Variants in HPSE2 observed in about 807,000 individuals in gnomAD.
HPSE2 encodes heparanase 2 (inactive), also known as inactive heparanase-2.
Under a neutral mutation model 60.5 loss-of-function variants are expected in HPSE2, and 38 were observed. That is an observed-to-expected ratio of 0.63 (90% CI 0.48 to 0.82). The LOEUF (loss-of-function observed/expected upper bound fraction) is 0.82. HPSE2 is among the 40% of genes least tolerant of loss of function. HPSE2 has a pLI of 0.00. For missense variants in HPSE2, 713 were observed against 740.4 expected, an observed-to-expected ratio of 0.96 and a Z score of 0.43; for synonymous variants, 295 against 293.2, an observed-to-expected ratio of 1.01 and a Z score of -0.06.
At chr10:98,653,051 A>G (rs541222463) in intron 6 of HPSE2, among the ~76,000 whole-genome samples, 15 of 152,188 alleles carry the variant, frequency 9.9e-5, no homozygotes, top group Non-Finnish European at 1.8e-4. Context: ...CTCTGTTGTT[A>G]GATGCATACA....
chr10:99,305,977 G>GCACACACACACACACA, the HPSE2 span, among the ~76,000 whole-genome samples: 181 of 53,686 alleles, frequency 3.4e-3, 1 homozygote, highest in South Asian at 9.4e-3. Context: ...GCGCGCGCGC[G>GCACACACACACACACA]CGCACACACA....
At chr10:98,498,166 TTAG>T (rs1941914290) in intron 9 of HPSE2, among the ~76,000 whole-genome samples, 1 of 152,188 alleles carries the variant, frequency 6.6e-6, no homozygotes, top group Non-Finnish European at 1.5e-5. Flanking sequence ...ATCGTGAATT[TTAG>T]CTCCAGATCA....
intron 6 of HPSE2, among the ~76,000 whole-genome samples, chr10:98,680,633 A>C (rs1947759368): frequency 6.6e-6 from 1 of 152,234 alleles, no homozygotes; most frequent in Admixed American, 6.5e-5. Flanking sequence ...TATTGAGTAC[A>C]CATATAAAAA....
intron 9 of HPSE2, among the ~76,000 whole-genome samples, chr10:98,611,582 C>A (rs916549102): frequency 6.6e-6 from 1 of 152,182 alleles, no homozygotes; most frequent in African/African-American, 2.4e-5. Context: ...AATTGCACAA[C>A]TCTCTGAAGT....
At chr10:98,800,058 A>AT (rs1950870249) in intron 3 of HPSE2, among the ~76,000 whole-genome samples, 1 of 152,032 alleles carries the variant, frequency 6.6e-6, no homozygotes. Context: ...AGAAAAAAAA[A>AT]GGGAGAAGAC....
intron 3 of HPSE2, among the ~76,000 whole-genome samples, chr10:98,846,027 A>G (rs537485983): frequency 6.6e-6 from 1 of 152,324 alleles, no homozygotes; most frequent in South Asian, 2.1e-4. Flanking sequence ...TCTGTTTCCT[A>G]TCAAGCAAGA....
chr10:98,984,680 G>T (rs980505867), intron 3 of HPSE2, among the ~76,000 whole-genome samples: 1 of 152,080 alleles, frequency 6.6e-6, no homozygotes, highest in Admixed American at 6.6e-5. Context: ...GGCTTCAGAC[G>T]ATCAAACTAC....
intron 3 of HPSE2, among the ~76,000 whole-genome samples, chr10:98,893,969 C>G (rs1953411623): frequency 6.6e-6 from 1 of 151,896 alleles, no homozygotes; most frequent in Non-Finnish European, 1.5e-5. Context: ...TGAAAACTGC[C>G]TCTCTTGACT....
At chr10:98,769,591 A>C (rs1187569464) in intron 3 of HPSE2, among the ~76,000 whole-genome samples, 2 of 152,172 alleles carry the variant, frequency 1.3e-5, no homozygotes, top group Admixed American at 6.5e-5. Context: ...GGTGCTAAAT[A>C]ATCCAGGGAA....
intron 2 of HPSE2, among the ~76,000 whole-genome samples, chr10:99,188,611 T>C (rs1848114681): frequency 6.6e-6 from 1 of 152,172 alleles, no homozygotes; most frequent in African/African-American, 2.4e-5. Flanking sequence ...GAAAAAAGCA[T>C]GGCTATCATC....
intron 9 of HPSE2, among the ~76,000 whole-genome samples, chr10:98,587,841 A>G (rs1361313173): frequency 6.6e-6 from 1 of 152,264 alleles, no homozygotes; most frequent in Non-Finnish European, 1.5e-5. Flanking sequence ...AAGTGTCATG[A>G]GAATGATATT....
chr10:98,733,858 T>C (rs776609000), intron 4 of HPSE2, among the ~76,000 whole-genome samples: 39 of 152,206 alleles, frequency 2.6e-4, no homozygotes, highest in South Asian at 4.1e-4. Flanking sequence ...AATAGCTTCA[T>C]TGAGATATAA....
chr10:99,314,626 C>T, the HPSE2 span, among the ~76,000 whole-genome samples: 4 of 152,150 alleles, frequency 2.6e-5, no homozygotes, highest in African/African-American at 9.7e-5. Flanking sequence ...CCCGCGGTAT[C>T]CCCGAGGTAT....
chr10:99,251,665 T>A, the HPSE2 span, among the ~76,000 whole-genome samples: 3 of 152,096 alleles, frequency 2.0e-5, no homozygotes, highest in African/African-American at 7.2e-5. Flanking sequence ...ATAGGCTTGA[T>A]TTCTAGGATG....
rs115713063 is a variant in HPSE2, at chr10:98,516,633, C to G, written c.1321-26437G>C. 2.9e-3 allele frequency among the ~76,000 whole-genome samples: 435 copies of G among 152,146 alleles called. 2 individuals carry two copies. The highest frequency in any genetic ancestry group is 0.01 in the African/African-American group (416 of 41,500). ...AATGCTTCTGTGAGAATTACTAAACCAGGAGGGTACACTTCACTGGCTGAA... is the reference window on the plus strand; with the variant it reads ...AATGCTTCTGTGAGAATTACTAAACGAGGAGGGTACACTTCACTGGCTGAA... On this transcript the variant is annotated intron_variant, in intron 9 of 11. Transcript: ENST00000370552.
At chr10:98,666,337 G>T (rs550911501) in intron 6 of HPSE2, among the ~76,000 whole-genome samples, 2 of 151,924 alleles carry the variant, frequency 1.3e-5, no homozygotes, top group Non-Finnish European at 2.9e-5. Flanking sequence ...TAATAGCAGG[G>T]GACTTTAACA....
At chr10:98,503,440 A>C (rs1253786139) in intron 9 of HPSE2, among the ~76,000 whole-genome samples, 1 of 152,162 alleles carries the variant, frequency 6.6e-6, no homozygotes, top group Admixed American at 6.5e-5. Context: ...TACAGCCACT[A>C]TGGAAAACAG....
intron 3 of HPSE2, among the ~76,000 whole-genome samples, chr10:98,884,993 G>A (rs551231160): frequency 6.6e-6 from 1 of 152,244 alleles, no homozygotes; most frequent in South Asian, 2.1e-4. Context: ...TCCTCTGATG[G>A]ATCTAAGCAA....
chr10:99,093,446 C>G (rs1843588118), intron 3 of HPSE2, among the ~76,000 whole-genome samples: 1 of 152,066 alleles, frequency 6.6e-6, no homozygotes, highest in Admixed American at 6.6e-5. Context: ...TTGTCTGAGA[C>G]TGTTTTGCAC....
Sources: allele counts gnomAD v4.1 joint callset (sites outside exome capture counted in the v4.1 genomes callset), GRCh38; gene constraint gnomAD v4.1.1; transcripts MANE v1.5; gene names NCBI Gene and HGNC (gene_info 2026-07-23, HGNC 2026-07-21).